The following FSIP1 variants were observed in gnomAD, a reference collection of about 807,000 sequenced individuals.
FSIP1 encodes fibrous sheath interacting protein 1.
FSIP1 carries 65 observed loss-of-function variants against 60.9 expected under a neutral mutation model. The observed-to-expected ratio is 1.07, with a 90% CI of 0.87 to 1.31. The LOEUF (loss-of-function observed/expected upper bound fraction) is 1.31, where lower values mean the gene tolerates loss of function less well. FSIP1 is among the 40% of genes most tolerant of loss of function. The pLI is 0.00. For missense variants in FSIP1, 675 were observed against 665.5 expected, an observed-to-expected ratio of 1.01 and a Z score of -0.16; for synonymous variants, 209 against 221.2, an observed-to-expected ratio of 0.94 and a Z score of 0.49.
chr15:39,661,227 C>G (rs1023687458), intron 10 of FSIP1, among the ~76,000 whole-genome samples: 2 of 152,020 alleles, frequency 1.3e-5, no homozygotes, highest in Non-Finnish European at 2.9e-5. Flanking sequence ...ATTTTTTCTC[C>G]CATTTATTTT....
intron 10 of FSIP1, among the ~76,000 whole-genome samples, chr15:39,618,616 T>C (rs1465248555): frequency 6.6e-6 from 1 of 152,036 alleles, no homozygotes; most frequent in Non-Finnish European, 1.5e-5. Context: ...GGGTGAAGGG[T>C]GGTGCATCCT....
At chr15:39,755,786 G>T (rs142727998) in intron 5 of FSIP1, among the ~76,000 whole-genome samples, 1 of 152,186 alleles carries the variant, frequency 6.6e-6, no homozygotes, top group African/African-American at 2.4e-5. Context: ...GTGTTTATAT[G>T]CATTTCTATA....
In FSIP1 at chr15:39,726,571, T is replaced by G. The variant is rs769049986; in HGVS notation, c.1050+18A>C. 37 of 1,613,194 alleles carry G rather than the reference T, an allele frequency of 2.3e-5. No individual in the cohort carries two copies. The highest frequency in any genetic ancestry group is 3.0e-5 in the Non-Finnish European group (35 of 1,179,142). On this transcript the variant is annotated intron_variant, in intron 9 of 11. Coordinates refer to ENST00000350221, the MANE Select transcript of FSIP1 (RefSeq NM_152597.5). ...TTAGCACACATTAACTTGAACAGTC[T>G]ATGGGTTCTTCAAATACCTGATTAT...
At chr15:39,718,467 G>C (rs1895833631) in intron 9 of FSIP1, among the ~76,000 whole-genome samples, 1 of 146,994 alleles carries the variant, frequency 6.8e-6, no homozygotes, top group Non-Finnish European at 1.5e-5. Flanking sequence ...CAATAAACAT[G>C]TTATCAATTT....
chr15:39,625,516 T>C (rs557285300), intron 10 of FSIP1, among the ~76,000 whole-genome samples: 80 of 152,316 alleles, frequency 5.3e-4, no homozygotes, highest in African/African-American at 1.9e-3. Flanking sequence ...TGGACTCTTA[T>C]GTTTTCATTT....
chr15:39,617,474 C>A (rs1891273606), intron 11 of FSIP1, among the ~76,000 whole-genome samples: 1 of 152,202 alleles, frequency 6.6e-6, no homozygotes, highest in Admixed American at 6.5e-5. Context: ...AAACTAATTT[C>A]TCTTTTCCTG....
chr15:39,607,001 T>C (rs948852268), intron 11 of FSIP1, among the ~76,000 whole-genome samples: 2 of 152,228 alleles, frequency 1.3e-5, no homozygotes, highest in Non-Finnish European at 2.9e-5. Context: ...AGGTTAAGTG[T>C]GACCTGACAA....
rs1896811477 is a variant in FSIP1, at chr15:39,741,813, A to AG, written c.646dup (p.Leu216ProfsTer3). ...CACAAATTTAAATATACCTTTATTG[A>AG]GTTTCTGCATCTGCATTTCATATTC... On this transcript the variant is annotated frameshift_variant, in exon 6 of 12. Transcript: ENST00000350221. LOFTEE classifies it high-confidence loss of function. The AG allele has an allele frequency of 1.9e-6, 3 of 1,541,930 alleles. No homozygotes were observed. Among genetic ancestry groups the AG allele is most frequent in the Non-Finnish European group, 2.7e-6 (3 of 1,115,402 alleles).
chr15:39,651,742 T>C (rs1490390776), intron 10 of FSIP1, among the ~76,000 whole-genome samples: 1 of 152,250 alleles, frequency 6.6e-6, no homozygotes, highest in Non-Finnish European at 1.5e-5. Flanking sequence ...ATTACCTCAC[T>C]TCGATTTGAA....
chr15:39,713,856 G>T (rs778132126), intron 9 of FSIP1, among the ~76,000 whole-genome samples: 1 of 152,230 alleles, frequency 6.6e-6, no homozygotes, highest in Non-Finnish European at 1.5e-5. Context: ...ACAGGAACCT[G>T]GGTTCTGGTC....
intron 2 of FSIP1, among the ~76,000 whole-genome samples, chr15:39,771,640 C>T (rs1897891249): frequency 6.6e-6 from 1 of 152,192 alleles, no homozygotes; most frequent in Non-Finnish European, 1.5e-5. Context: ...TCGCTTCCCA[C>T]AATGACCCTA....
chr15:39,599,249 C>T (rs749079105), downstream of FSIP1: 1 of 152,170 alleles, frequency 6.6e-6, no homozygotes, highest in Non-Finnish European at 1.5e-5. Flanking sequence ...TGTTGAATTA[C>T]GTTACAGACT....
chr15:39,605,560 A>G (rs895649991), intron 11 of FSIP1, among the ~76,000 whole-genome samples: 18 of 152,326 alleles, frequency 1.2e-4, no homozygotes, highest in African/African-American at 4.1e-4. Flanking sequence ...GACTTACAAC[A>G]TGGAATGGAA....
intron 10 of FSIP1, among the ~76,000 whole-genome samples, chr15:39,641,483 C>T (rs1014159358): frequency 8.5e-5 from 13 of 152,096 alleles, no homozygotes; most frequent in African/African-American, 2.9e-4. Flanking sequence ...AAAAAATCCT[C>T]GAAACTGTTT....
intron 10 of FSIP1, among the ~76,000 whole-genome samples, chr15:39,711,011 AT>A (rs1488630923): frequency 6.6e-6 from 1 of 152,160 alleles, no homozygotes; most frequent in Admixed American, 6.5e-5. Flanking sequence ...ATGACATACG[AT>A]TTCTTAAAGG....
intron 10 of FSIP1, among the ~76,000 whole-genome samples, chr15:39,695,627 T>C (rs1894783830): frequency 1.3e-5 from 2 of 152,220 alleles, no homozygotes; most frequent in East Asian, 3.9e-4. Context: ...TGCAAATTCC[T>C]GCTTTTTGAC....
Position 39,763,822 on chromosome 15 carries a change from A to T in FSIP1, c.558T>A (p.Val186=). The change falls in exon 5 of 12, where the codon GTT becomes GTA. Residue 186 remains valine (V), a splice_region_variant and synonymous_variant. Transcript: ENST00000350221. ...LSLTAVSEET[V]GPSHEEEDTF... ...TGAATGACATCTCCATCTACTCACC[A>T]ACAGTTTCTTCAGAAACAGCAGTCA... The T allele has an allele frequency of 1.3e-6, 2 of 1,502,528 alleles. No homozygotes were observed. The highest frequency in any genetic ancestry group is 1.9e-6 in the Non-Finnish European group (2 of 1,080,480). 93.1% of individuals were successfully genotyped at this position (1,502,528 alleles called of 1,614,324 possible). A position where few individuals can be genotyped will look rare whatever the true frequency, so the allele number is the denominator to read the frequency against.
chr15:39,638,238 T>C (rs143716333), intron 10 of FSIP1, among the ~76,000 whole-genome samples: 10 of 152,360 alleles, frequency 6.6e-5, no homozygotes, highest in Non-Finnish European at 1.5e-4. Flanking sequence ...AAAATTCTTA[T>C]AATAACCTGA....
chr15:39,635,465 A>G (rs577828481), intron 10 of FSIP1, among the ~76,000 whole-genome samples: 1 of 152,124 alleles, frequency 6.6e-6, no homozygotes, highest in Admixed American at 6.5e-5. Flanking sequence ...CATTTCCCCA[A>G]TTACTCTAGT....
Sources: gnomAD v4.1 joint callset for allele counts (sites outside exome capture counted in the v4.1 genomes callset) on GRCh38, gnomAD v4.1.1 for gene constraint, MANE v1.5 for transcripts, NCBI Gene and HGNC (gene_info 2026-07-23, HGNC 2026-07-21) for gene names.